The following ZNF567 variants were observed in gnomAD, a reference collection of about 807,000 sequenced individuals.
ZNF567 encodes the protein zinc finger protein 567.
Under a neutral mutation model 53.9 loss-of-function variants are expected in ZNF567, and 36 were observed. The observed-to-expected ratio is 0.67, with a 90% CI of 0.51 to 0.88. ZNF567 has a LOEUF of 0.88. Among genes scored for constraint, ZNF567 ranks in the 40% least tolerant of loss-of-function variants. ZNF567 has a pLI of 0.00. For missense variants in ZNF567, 619 were observed against 764.7 expected (o/e 0.81, Z 2.25); for synonymous variants, 224 against 260.4 (o/e 0.86, Z 1.35).
the ZNF567 span, among the ~76,000 whole-genome samples, chr19:36,680,155 ATTG>A: frequency 3.3e-5 from 5 of 152,220 alleles, no homozygotes; most frequent in African/African-American, 9.6e-5. Flanking sequence ...AATACATACA[ATTG>A]TTGTACAAAT....
chr19:36,682,152 C>T, the ZNF567 span, among the ~76,000 whole-genome samples: 3 of 151,724 alleles, frequency 2.0e-5, no homozygotes, highest in African/African-American at 7.3e-5. Flanking sequence ...TGGTATGCAC[C>T]TGTAGTCCTA....
chr19:36,689,270 TGTGTA>T (rs774561593), intron 1 of ZNF567, 122 bp from the exon 2 acceptor site: 19 of 139,874 alleles, frequency 1.4e-4, no homozygotes, highest in Middle Eastern at 3.6e-3. Flanking sequence ...TGTGTGTGTG[TGTGTA>T]TTTATTTTTT....
At chr19:36,691,225 A>G (rs548232169) in intron 2 of ZNF567, among the ~76,000 whole-genome samples, 56 of 152,042 alleles carry the variant, frequency 3.7e-4, no homozygotes, top group South Asian at 6.2e-4. Context: ...TGGCTTGATC[A>G]TGGCTCACTG....
chr19:36,715,065 G>C (rs1282192726), intron 5 of ZNF567, among the ~76,000 whole-genome samples: 1 of 152,018 alleles, frequency 6.6e-6, no homozygotes, highest in African/African-American at 2.4e-5. Context: ...TTCATCAGGC[G>C]TACTACAGTC....
chr19:36,714,046 TC>T (rs1447491828), intron 5 of ZNF567, among the ~76,000 whole-genome samples: 1 of 152,242 alleles, frequency 6.6e-6, no homozygotes, highest in Non-Finnish European at 1.5e-5. Flanking sequence ...AAGCCATCTT[TC>T]TTTTAGATCT....
chr19:36,694,911 C>CTTTTT, intron 3 of ZNF567, 35 bp downstream of exon 3: 2 of 1,368,212 alleles, frequency 1.5e-6, no homozygotes, highest in Non-Finnish European at 1.9e-6. Flanking sequence ...TTCTGAAAGT[C>CTTTTT]TTTTTTTTTT....
chr19:36,676,746 G>A, the ZNF567 span, among the ~76,000 whole-genome samples: 9 of 152,254 alleles, frequency 5.9e-5, no homozygotes, highest in South Asian at 6.2e-4. Flanking sequence ...GAATAATTTC[G>A]GTGGCTCGCG....
downstream of ZNF567, among the ~76,000 whole-genome samples, chr19:36,724,110 G>A (rs890244592): frequency 2.0e-5 from 3 of 147,028 alleles, no homozygotes; most frequent in South Asian, 4.4e-4. Context: ...GGGTTCAAGC[G>A]ATTCTCCCAG....
the ZNF567 span, among the ~76,000 whole-genome samples, chr19:36,677,020 T>C: frequency 1.3e-5 from 2 of 151,520 alleles, no homozygotes; most frequent in Non-Finnish European, 2.9e-5. Context: ...CTGGGTATGA[T>C]GGTGCATGCC....
chr19:36,709,030 C>A lies in ZNF567; in HGVS notation c.10-3356C>A, dbSNP rs532721676. On this transcript the variant is annotated intron_variant, in intron 3 of 5. Transcript: ENST00000682579. ...CACATTATAGTTTCATTTATTAATA[C>A]CTGTCTTTTACTTTTTTGTTTGCCA... Among the ~76,000 whole-genome samples, 47 of 152,210 alleles carry A rather than the reference C, an allele frequency of 3.1e-4. 1 individual carries two copies. The highest frequency in any genetic ancestry group is 1.0e-3 in the South Asian group (5 of 4,824).
downstream of ZNF567, among the ~76,000 whole-genome samples, chr19:36,721,748 T>C (rs1267805588): frequency 7.0e-6 from 1 of 142,632 alleles, no homozygotes; most frequent in Non-Finnish European, 1.5e-5. Flanking sequence ...TTTTTTCTTT[T>C]TTTTTTTTTT....
downstream of ZNF567, among the ~76,000 whole-genome samples, chr19:36,722,341 G>A (rs1269682379): frequency 2.6e-5 from 4 of 151,990 alleles, no homozygotes; most frequent in South Asian, 2.1e-4. Context: ...AGTCTCTATC[G>A]TCCAGGCTGG....
Position 36,719,888 on chromosome 19 carries a change from A to G in ZNF567, c.1164A>G (p.Thr388=). The G allele has an allele frequency of 6.2e-7, 1 of 1,609,336 alleles. No homozygotes were observed. The highest frequency in any genetic ancestry group is 8.5e-7 in the Non-Finnish European group (1 of 1,176,316). ...TCTCTCTACATCAGAGAATCCATAC[A>G]GGTGAGAAACCCTACATTTGTAAAG... ...TTLSLHQRIH[T]GEKPYICKEC... The change falls in exon 6 of 6, where the codon ACA becomes ACG. Residue 388 remains threonine, a synonymous_variant. Transcript: ENST00000682579.
chr19:36,714,804 C>A (rs1359838873), intron 5 of ZNF567, among the ~76,000 whole-genome samples: 1 of 152,120 alleles, frequency 6.6e-6, no homozygotes, highest in South Asian at 2.1e-4. Context: ...TACAACTTGG[C>A]CTGTTTTCTT....
At chr19:36,712,141 G>T (rs1442038695) in intron 3 of ZNF567, 4 of 380,832 alleles carry the variant, frequency 1.1e-5, no homozygotes, top group Non-Finnish European at 2.0e-5. Context: ...CCGCCTCCTG[G>T]TTTCAAGCTA....
At chr19:36,684,761 AC>A (rs1354482536), upstream of ZNF567, among the ~76,000 whole-genome samples, 2 of 152,120 alleles carry the variant, frequency 1.3e-5, no homozygotes, top group Non-Finnish European at 2.9e-5. Flanking sequence ...GAGAATTGAG[AC>A]CATTCCTTAA....
chr19:36,668,269 G>T, the ZNF567 span: 1 of 152,482 alleles, frequency 6.6e-6, no homozygotes, highest in Non-Finnish European at 1.5e-5. Context: ...GAGGCTTTTT[G>T]AGAATGGCTG....
At chr19:36,712,305 C>T (rs903134670) in intron 3 of ZNF567, 81 bp from the exon 4 acceptor site, 1 of 1,462,954 alleles carries the variant, frequency 6.8e-7, no homozygotes, top group Non-Finnish European at 9.2e-7. Context: ...ACCTCAGCCT[C>T]CCAAAGTGCT....
chr19:36,684,508 G>A (rs2038232115), upstream of ZNF567, among the ~76,000 whole-genome samples: 1 of 152,082 alleles, frequency 6.6e-6, no homozygotes, highest in Non-Finnish European at 1.5e-5. Flanking sequence ...ACATTCCAGA[G>A]CACTAATTCA....
Sources: gnomAD v4.1 joint callset for allele counts (sites outside exome capture counted in the v4.1 genomes callset) on GRCh38, gnomAD v4.1.1 for gene constraint, MANE v1.5 for transcripts, NCBI Gene and HGNC (gene_info 2026-07-23, HGNC 2026-07-21) for gene names.